The following DLG2 variants were observed in gnomAD, a reference collection of about 807,000 sequenced individuals.
DLG2 encodes the protein disks large homolog 2.
In DLG2, 45 loss-of-function variants were observed where a neutral mutation model predicts 132.5. The observed-to-expected ratio is 0.34, with a 90% confidence interval of 0.27 to 0.44. DLG2 has a LOEUF of 0.44. Among genes scored for constraint, DLG2 ranks in the 20% least tolerant of loss-of-function variants. The pLI, the probability that DLG2 is intolerant of heterozygous loss-of-function variation, is 1.00. For missense variants in DLG2, 1,045 were observed against 1,196.9 expected (o/e 0.87, Z 1.87); for synonymous variants, 424 against 419.6 (o/e 1.01, Z -0.13).
rs542574422 is a variant in DLG2 at position 83,874,085 on chromosome 11, A to T, written c.1565+335T>A. On this transcript the variant is annotated intron_variant, in intron 16 of 27. Transcript: ENST00000376104. ...TTCCTAGATATTTGCTGATTGAAAGAAAAAAAGAGAGAGAGTGTGTGCGTG... is the reference window on the plus strand; with the variant it reads ...TTCCTAGATATTTGCTGATTGAAAGTAAAAAAGAGAGAGAGTGTGTGCGTG... Among the ~76,000 whole-genome samples, 10 of 152,144 alleles carry T rather than the reference A, an allele frequency of 6.6e-5. No individual in the cohort carries two copies. In the South Asian group the frequency reaches 1.5e-3, roughly 22 times the overall value.
At chr11:85,313,100 C>T (rs1231992418) in intron 3 of DLG2, among the ~76,000 whole-genome samples, 3 of 151,756 alleles carry the variant, frequency 2.0e-5, no homozygotes, top group African/African-American at 7.3e-5. Flanking sequence ...ATAAAAACTT[C>T]TCACAGGTTC....
chr11:83,803,714 T>C (rs1371915285), intron 17 of DLG2, among the ~76,000 whole-genome samples: 1 of 152,160 alleles, frequency 6.6e-6, no homozygotes, highest in Non-Finnish European at 1.5e-5. Context: ...GGGTTCTTGT[T>C]TCCTTTTTTC....
intron 7 of DLG2, among the ~76,000 whole-genome samples, chr11:84,462,104 C>T (rs917924430): frequency 4.6e-5 from 7 of 150,856 alleles, no homozygotes; most frequent in South Asian, 2.1e-4. Context: ...AATGATCCCA[C>T]GAGTCCTTAT....
chr11:84,644,660 C>T lies in DLG2; in HGVS notation c.358-109929G>A, dbSNP rs1399190576. On this transcript the variant is annotated intron_variant, in intron 6 of 27. Coordinates refer to ENST00000376104, the MANE Select transcript of DLG2 (RefSeq NM_001142699.3). ...GGCGCAGCTTGCAGTGAGCTGAGAT[C>T]GTGCCACTGCACTCCAGCCTGGGCA... Among the ~76,000 whole-genome samples the T allele has an allele frequency of 3.4e-5, 5 of 148,522 alleles. No individual in the cohort carries two copies. The East Asian group carries it at 6.0e-4, about 18-fold the overall frequency.
intron 3 of DLG2, among the ~76,000 whole-genome samples, chr11:85,592,603 T>C (rs1167950425): frequency 6.6e-6 from 1 of 152,192 alleles, no homozygotes; most frequent in African/African-American, 2.4e-5. Flanking sequence ...GTAACATAAA[T>C]AGAAACTATC....
chr11:83,603,222 C>CACGACAAAGAATA (rs1162204462), intron 19 of DLG2, among the ~76,000 whole-genome samples: 1 of 152,148 alleles, frequency 6.6e-6, no homozygotes, highest in Non-Finnish European at 1.5e-5. Flanking sequence ...TTAACAGTGA[C>CACGACAAAGAATA]TTAGATTCCC....
chr11:85,402,182 A>C (rs1228870858), intron 3 of DLG2, among the ~76,000 whole-genome samples: 1 of 152,168 alleles, frequency 6.6e-6, no homozygotes, highest in Non-Finnish European at 1.5e-5. Flanking sequence ...CTCTGAAATA[A>C]CACCACACAT....
intron 7 of DLG2, among the ~76,000 whole-genome samples, chr11:84,315,620 A>G (rs1211936994): frequency 6.6e-6 from 1 of 152,166 alleles, no homozygotes; most frequent in Non-Finnish European, 1.5e-5. Context: ...CTAAATGTCA[A>G]CTTCTATTTT....
intron 3 of DLG2, among the ~76,000 whole-genome samples, chr11:85,506,130 C>T (rs2093927391): frequency 6.6e-6 from 1 of 151,988 alleles, no homozygotes; most frequent in African/African-American, 2.4e-5. Flanking sequence ...ATTAGTCTGG[C>T]TAGTGGTCTA....
At chr11:84,154,657 C>A (rs1230928325) in intron 9 of DLG2, among the ~76,000 whole-genome samples, 1 of 152,028 alleles carries the variant, frequency 6.6e-6, no homozygotes, top group African/African-American at 2.4e-5. Flanking sequence ...CCTTCCCCCA[C>A]CCCACGACAG....
In DLG2 at chr11:83,707,227, TCTC is replaced by T. The variant is rs1327904355; in HGVS notation, c.1826-73905_1826-73903del. Among the ~76,000 whole-genome samples the T allele has an allele frequency of 2.0e-5, 3 of 152,210 alleles. No homozygotes were observed. The East Asian group carries it at 5.8e-4, about 29-fold the overall frequency. Reference sequence around the variant, plus strand: ...CCCAGGGCCTATAAGCATCCAAACTTCTCCTATATAGGAGAACAGAAGTAGAAA... The same window carrying T: ...CCCAGGGCCTATAAGCATCCAAACTTCTATATAGGAGAACAGAAGTAGAAA... On this transcript the variant is annotated intron_variant, in intron 18 of 27. Coordinates refer to ENST00000376104, the MANE Select transcript of DLG2 (RefSeq NM_001142699.3).
chr11:84,011,676 G>A (rs113746161), intron 11 of DLG2, among the ~76,000 whole-genome samples: 39 of 152,056 alleles, frequency 2.6e-4, no homozygotes, highest in African/African-American at 8.7e-4. Context: ...ACATTTCTGA[G>A]GGTAAGGAAA....
intron 3 of DLG2, among the ~76,000 whole-genome samples, chr11:85,304,033 A>T (rs1054049119): frequency 6.6e-6 from 1 of 152,180 alleles, no homozygotes; most frequent in African/African-American, 2.4e-5. Flanking sequence ...TTGTCAAACA[A>T]AATCTTAGAC....
At chr11:83,850,123 A>AGTGCGTGTGTGT (rs1555057219) in intron 16 of DLG2, among the ~76,000 whole-genome samples, 1 of 39,046 alleles carries the variant, frequency 2.6e-5, no homozygotes, top group African/African-American at 1.1e-4. Flanking sequence ...ATTTGGGGTA[A>AGTGCGTGTGTGT]GTGTGTGTGT....
chr11:85,003,415 G>T (rs1035509029), intron 6 of DLG2, among the ~76,000 whole-genome samples: 2 of 152,132 alleles, frequency 1.3e-5, no homozygotes, highest in East Asian at 1.9e-4. Context: ...CTAAAATAAT[G>T]ATTTTTTATT....
chr11:85,349,294 C>G (rs1386425092), intron 3 of DLG2, among the ~76,000 whole-genome samples: 1 of 152,064 alleles, frequency 6.6e-6, no homozygotes, highest in Non-Finnish European at 1.5e-5. Context: ...GCATGACAGA[C>G]AGCAGACTCT....
At chr11:84,383,383 T>C (rs1053628267) in intron 7 of DLG2, among the ~76,000 whole-genome samples, 1 of 152,090 alleles carries the variant, frequency 6.6e-6, no homozygotes, top group African/African-American at 2.4e-5. Flanking sequence ...TACCTTCTCC[T>C]TGAGTTGAAG....
At chr11:84,506,238 G>T (rs1240981121) in intron 7 of DLG2, among the ~76,000 whole-genome samples, 1 of 151,300 alleles carries the variant, frequency 6.6e-6, no homozygotes, top group Admixed American at 6.6e-5. Context: ...ACTGCGCCCG[G>T]CTAATTTTTT....
intron 6 of DLG2, among the ~76,000 whole-genome samples, chr11:84,584,931 G>A (rs1169390163): frequency 3.3e-5 from 5 of 149,488 alleles, no homozygotes; most frequent in South Asian, 2.1e-4. Context: ...CTCGTGATCC[G>A]CCCGCCTCGG....
Sources: allele counts gnomAD v4.1 joint callset (sites outside exome capture counted in the v4.1 genomes callset), GRCh38; gene constraint gnomAD v4.1.1; transcripts MANE v1.5; gene names NCBI Gene and HGNC (gene_info 2026-07-23, HGNC 2026-07-21).